SLC39A11: variants seen among roughly 807,000 people sequenced by gnomAD.
SLC39A11 encodes zinc transporter ZIP11.
A neutral mutation model predicts 36.1 loss-of-function variants in SLC39A11; 33 were observed. The ratio of observed to expected loss-of-function variants is 0.91; its 90% CI spans 0.69 to 1.22. SLC39A11 has a LOEUF of 1.22. Among genes scored for constraint, SLC39A11 ranks in the 50% most tolerant of loss-of-function variants. SLC39A11 has a pLI of 0.00. For synonymous variants in SLC39A11, 166 were observed against 170.3 expected, an observed-to-expected ratio of 0.97 and a Z score of 0.20; for missense variants, 432 against 430.3, an observed-to-expected ratio of 1.00 and a Z score of -0.03.
chr17:72,998,657 G>A (rs1271254456), intron 4 of SLC39A11, among the ~76,000 whole-genome samples: 1 of 152,172 alleles, frequency 6.6e-6, no homozygotes. Context: ...AGGGAACACT[G>A]CAAAAGTCTG....
At chr17:72,898,758 G>A (rs1040365591) in intron 5 of SLC39A11, among the ~76,000 whole-genome samples, 3 of 152,188 alleles carry the variant, frequency 2.0e-5, no homozygotes, top group Non-Finnish European at 4.4e-5. Flanking sequence ...GTGCACACAC[G>A]TGCACATACA....
chr17:72,933,336 A>C (rs1248259168), intron 5 of SLC39A11, among the ~76,000 whole-genome samples: 2 of 152,202 alleles, frequency 1.3e-5, no homozygotes, highest in African/African-American at 4.8e-5. Context: ...ACCATAAAAC[A>C]CTTAGAGGTA....
chr17:72,919,147 C>A (rs776937602), intron 5 of SLC39A11, among the ~76,000 whole-genome samples: 1 of 152,126 alleles, frequency 6.6e-6, no homozygotes, highest in African/African-American at 2.4e-5. Flanking sequence ...TGCCTCTCCA[C>A]GTGATTCATT....
At chr17:72,763,095 A>C (rs760912282) in intron 6 of SLC39A11, among the ~76,000 whole-genome samples, 69 of 152,252 alleles carry the variant, frequency 4.5e-4, no homozygotes, top group Non-Finnish European at 7.9e-4. Context: ...ACCTGACCAC[A>C]ACCTTAAAGC....
intron 6 of SLC39A11, among the ~76,000 whole-genome samples, chr17:72,737,889 C>G (rs2074500416): frequency 2.6e-5 from 4 of 152,252 alleles, no homozygotes; most frequent in Admixed American, 2.6e-4. Flanking sequence ...AAGAGTCTAC[C>G]CTGCCCATGC....
Position 72,947,826 on chromosome 17 carries a change from G to A in SLC39A11, c.356C>T (p.Thr119Met). 1.2e-6 allele frequency: 2 copies of A among 1,614,136 alleles called. No homozygotes were observed. Among genetic ancestry groups the A allele is most frequent in the Non-Finnish European group, 1.7e-6 (2 of 1,180,036 alleles). Residue 119 changes from threonine to methionine, a missense_variant, in exon 5 of 10, where the codon ACG (threonine) becomes ATG (methionine). Coordinates refer to ENST00000255559, the MANE Select transcript of SLC39A11 (RefSeq NM_139177.4). ...QTTLALNFGS[T>M]LMKKKSDPEG... ...AGGATCAGACTTCTTCTTCATCAAC[G>A]TAGAGCCGAAGTTCAGTGCCAGGGT...
intron 7 of SLC39A11, among the ~76,000 whole-genome samples, chr17:72,700,742 A>C (rs938685504): frequency 6.6e-6 from 1 of 152,250 alleles, no homozygotes; most frequent in Non-Finnish European, 1.5e-5. Context: ...GAGGCCTCAC[A>C]GTCATGGCAG....
At chr17:72,861,457 A>C (rs1158602992) in intron 5 of SLC39A11, among the ~76,000 whole-genome samples, 1 of 151,768 alleles carries the variant, frequency 6.6e-6, no homozygotes, top group Non-Finnish European at 1.5e-5. Context: ...GCTAACACTG[A>C]CACAAGTTTG....
chr17:72,848,844 T>C (rs72847941), intron 6 of SLC39A11, among the ~76,000 whole-genome samples: 7,356 of 152,222 alleles, frequency 0.048, 194 homozygotes, highest in Non-Finnish European at 0.06. Flanking sequence ...TGCCAAATTA[T>C]ACTGAACTCA....
intron 4 of SLC39A11, among the ~76,000 whole-genome samples, chr17:72,978,947 A>G (rs2088076606): frequency 6.6e-6 from 1 of 152,230 alleles, no homozygotes; most frequent in African/African-American, 2.4e-5. Context: ...AGCCAGAAAC[A>G]TAATTTTACA....
intron 6 of SLC39A11, among the ~76,000 whole-genome samples, chr17:72,751,365 G>A (rs1042346092): frequency 6.6e-6 from 1 of 152,200 alleles, no homozygotes; most frequent in Non-Finnish European, 1.5e-5. Context: ...ATTTGAAGAA[G>A]ACAGTTCTAA....
chr17:72,654,230 ATGGG>A (rs143241611), intron 7 of SLC39A11, among the ~76,000 whole-genome samples: 6,278 of 152,216 alleles, frequency 0.041, 143 homozygotes, highest in Middle Eastern at 0.078. Context: ...AGGGAGGGTG[ATGGG>A]TGCCGCTTCT....
intron 4 of SLC39A11, among the ~76,000 whole-genome samples, chr17:73,008,934 G>A (rs1482229328): frequency 6.6e-6 from 1 of 151,984 alleles, no homozygotes; most frequent in East Asian, 1.9e-4. Context: ...GGCAGCACAT[G>A]CCTGTAGTCC....
intron 7 of SLC39A11, among the ~76,000 whole-genome samples, chr17:72,731,572 T>G (rs1308381698): frequency 1.3e-5 from 2 of 152,192 alleles, no homozygotes; most frequent in Non-Finnish European, 2.9e-5. Context: ...TCATTTTAGA[T>G]TAGCTTTAGG....
chr17:73,005,258 G>A (rs778640817), intron 4 of SLC39A11, among the ~76,000 whole-genome samples: 31 of 152,160 alleles, frequency 2.0e-4, no homozygotes, highest in Non-Finnish European at 4.6e-4. Context: ...GATTACAGGC[G>A]TGAGCCACCG....
At chr17:72,680,643 C>A (rs1007435817) in intron 7 of SLC39A11, among the ~76,000 whole-genome samples, 4 of 152,136 alleles carry the variant, frequency 2.6e-5, no homozygotes, top group African/African-American at 7.2e-5. Flanking sequence ...TATAAATTAC[C>A]CAATGTCAGG....
intron 6 of SLC39A11, among the ~76,000 whole-genome samples, chr17:72,834,833 G>A (rs1293662125): frequency 6.6e-6 from 1 of 152,154 alleles, no homozygotes; most frequent in Non-Finnish European, 1.5e-5. Context: ...AATCGACGTG[G>A]AAATGAGTCT....
intron 4 of SLC39A11, among the ~76,000 whole-genome samples, chr17:73,025,788 A>G: frequency 6.6e-6 from 1 of 152,352 alleles, no homozygotes; most frequent in Middle Eastern, 3.4e-3. Flanking sequence ...TATTTCAATA[A>G]TTAAAAAACA....
intron 4 of SLC39A11, among the ~76,000 whole-genome samples, chr17:73,013,213 G>A (rs1034374468): frequency 9.2e-5 from 14 of 151,880 alleles, no homozygotes; most frequent in Admixed American, 3.3e-4. Context: ...TCAGCCTCCC[G>A]AGTAGCTGGG....
Sources: allele counts gnomAD v4.1 joint callset (sites outside exome capture counted in the v4.1 genomes callset), GRCh38; gene constraint gnomAD v4.1.1; transcripts MANE v1.5; gene names NCBI Gene and HGNC (gene_info 2026-07-23, HGNC 2026-07-21).